The following MFGE8 variants were observed in gnomAD, a reference collection of about 807,000 sequenced individuals.
MFGE8 encodes the protein milk fat globule EGF and factor V/VIII domain containing.
In MFGE8, 34 loss-of-function variants were observed where a neutral mutation model predicts 42.6. The observed-to-expected ratio is 0.80, with a 90% CI of 0.61 to 1.06. MFGE8 has a LOEUF of 1.06. Ranked by LOEUF, MFGE8 falls within the 50% of genes least tolerant of loss-of-function variation. The pLI is 0.00. For missense variants in MFGE8, 510 were observed against 516.9 expected, an observed-to-expected ratio of 0.99 and a Z score of 0.13; for synonymous variants, 230 against 214.8, an observed-to-expected ratio of 1.07 and a Z score of -0.62.
chr15:88,908,297 A>G (rs974985864), intron 2 of MFGE8, among the ~76,000 whole-genome samples: 8 of 152,098 alleles, frequency 5.3e-5, no homozygotes, highest in African/African-American at 1.9e-4. Flanking sequence ...GTGTTAGCGC[A>G]CTCTGGCAGG....
At chr15:88,907,865 A>G (rs1898773823) in intron 2 of MFGE8, among the ~76,000 whole-genome samples, 1 of 152,160 alleles carries the variant, frequency 6.6e-6, no homozygotes, top group Non-Finnish European at 1.5e-5. Context: ...TCCTCAGCCC[A>G]GCCCCTGGCT....
Position 88,899,461 on chromosome 15 carries a change from A to T in MFGE8, c.1098T>A (p.Tyr366Ter). The change falls in exon 8 of 8, where the codon TAT becomes TAA. Residue 366 changes from tyrosine (Y) to a stop codon, truncating the protein, a stop_gained. Transcript: ENST00000268150. LOFTEE classifies it high-confidence loss of function. The surrounding 1 kb of genome is among the most constrained non-coding windows in gnomAD (Gnocchi z 6.8). Reference protein sequence around the residue: ...NLFETPILARYVRILPVAWHN... With the variant: ...NLFETPILAR ...GCCAGGCTACAGGCAGGATGCGCAC[A>T]TAGCGAGCCAGGATGGGCGTCTCAA... is the stretch of plus-strand genomic sequence containing the variant. 6.2e-7 allele frequency: 1 copy of T among 1,614,232 alleles called. No homozygotes were observed. The highest frequency in any genetic ancestry group is 8.5e-7 in the Non-Finnish European group (1 of 1,180,034).
At chr15:88,908,485 C>G (rs747759464) in intron 2 of MFGE8, among the ~76,000 whole-genome samples, 1 of 152,218 alleles carries the variant, frequency 6.6e-6, no homozygotes, top group Non-Finnish European at 1.5e-5. Flanking sequence ...TCCAAGGAAA[C>G]ATACCACGTA....
At chr15:88,907,442 G>T (rs1898745314) in intron 2 of MFGE8, 66 bp from the exon 3 acceptor site, 2 of 1,467,480 alleles carry the variant, frequency 1.4e-6, no homozygotes, top group East Asian at 2.3e-5. Flanking sequence ...CTGGGACCCA[G>T]CGGACAAGAA....
intron 1 of MFGE8, among the ~76,000 whole-genome samples, chr15:88,911,481 G>C (rs1231915250): frequency 1.3e-5 from 2 of 152,188 alleles, no homozygotes; most frequent in African/African-American, 4.8e-5. Flanking sequence ...CCAGCACTTT[G>C]GGAGGCCGAG....
At chr15:88,911,057 TA>T (rs1174864912) in intron 1 of MFGE8, 2 of 152,242 alleles carry the variant, frequency 1.3e-5, no homozygotes, top group African/African-American at 4.8e-5. Flanking sequence ...GAGCATCTGG[TA>T]GCTGCAGACA....
chr15:88,909,868 T>C lies in MFGE8; in HGVS notation c.129A>G (p.Gln43=), dbSNP rs138273024. Residue 43 remains glutamine, a synonymous_variant, in exon 2 of 8, where the codon CAA becomes CAG. Coordinates refer to ENST00000268150, the MANE Select transcript of MFGE8 (RefSeq NM_005928.4). The part of the protein sequence containing the change: ...HNGGLCEEIS[Q]EVRGDVFPSY... ...AGGGGAAGACATCTCCTCGCACTTC[T>C]TGGGAAATCTCCTCGCATAAACCAC... The C allele has an allele frequency of 6.8e-6, 11 of 1,614,100 alleles. No homozygotes were observed. In the African/African-American group the frequency reaches 9.3e-5, roughly 14 times the overall value.
Position 88,905,538 on chromosome 15 carries a change from A to G in MFGE8, c.685+219T>C, listed in dbSNP as rs1056549719. 1.4e-6 allele frequency: 1 copy of G among 705,492 alleles called. No individual in the cohort carries two copies. Among genetic ancestry groups the G allele is most frequent in the Non-Finnish European group, 2.6e-6 (1 of 390,034 alleles). The allele number at this position is 705,492 out of a possible 1,614,324, so 43.7% of individuals were successfully genotyped here. On this transcript the variant is annotated intron_variant, in intron 5 of 7. Transcript: ENST00000268150. This position sits in a 1 kb window ranked among gnomAD's most constrained non-coding sequence, Gnocchi z 6.6. ...AAAACTGATGTCTTTTTCTCTATCAATCAGAATGCCCTGGGTCATGGGTTG... is the reference window on the plus strand; with the variant it reads ...AAAACTGATGTCTTTTTCTCTATCAGTCAGAATGCCCTGGGTCATGGGTTG...
chr15:88,908,915 G>C (rs552223569), intron 2 of MFGE8, among the ~76,000 whole-genome samples: 7 of 152,078 alleles, frequency 4.6e-5, no homozygotes, highest in Non-Finnish European at 1.0e-4. Flanking sequence ...TCCTTCTGGA[G>C]GCCAGCAAAC....
In MFGE8 at chr15:88,901,707, A is replaced by G. The variant is rs1596191194; in HGVS notation, c.714T>C (p.Asn238=). Residue 238 remains asparagine (N), a synonymous_variant, in exon 6 of 8, where the codon AAT becomes AAC. Transcript: ENST00000268150. ...NGCANPLGLK[N]NSIPDKQITA... ...TGATCTGCTTGTCAGGGATGCTGTT[A>G]TTCTTCAGGCCCAGGGGATTGGCGC... The G allele has an allele frequency of 6.2e-7, 1 of 1,613,538 alleles. No homozygotes were observed. The highest frequency in any genetic ancestry group is 8.5e-7 in the Non-Finnish European group (1 of 1,179,962).
intron 1 of MFGE8, among the ~76,000 whole-genome samples, chr15:88,911,706 G>A (rs574577226): frequency 1.1e-4 from 17 of 150,778 alleles, no homozygotes; most frequent in African/African-American, 2.4e-4. Flanking sequence ...CAGCCTGGGC[G>A]ACACAGCAAG....
rs1596187343 is a variant in MFGE8 at position 88,900,104 on chromosome 15, T to C, written c.871-293A>G. On this transcript the variant is annotated intron_variant, in intron 6 of 7. Coordinates refer to ENST00000268150, the MANE Select transcript of MFGE8 (RefSeq NM_005928.4). ...AAAAATACAAAAAATTAGCTGGGCA[T>C]GATGGTGGCTGCCTGTAATCCCAGC... Among the ~76,000 whole-genome samples, 5 of 151,966 alleles carry C rather than the reference T, an allele frequency of 3.3e-5. No homozygotes were observed. The South Asian group carries it at 1.0e-3, about 31-fold the overall frequency.
At chr15:88,901,840 C>T in intron 5 of MFGE8, 105 bp from the exon 6 acceptor site, 1 of 1,121,482 alleles carries the variant, frequency 8.9e-7, no homozygotes, top group Non-Finnish European at 1.3e-6. Context: ...TGACCAGCCC[C>T]TGTCATGCTC....
In MFGE8 at chr15:88,899,124, T is replaced by C; in HGVS notation, c.*271A>G. The stretch of plus-strand genomic sequence containing the variant: ...CCACACGCCCTACTTTGCCCTTTCC[T>C]GTCCATCCCAGACCTACTCAGATCC... On this transcript the variant is annotated 3_prime_UTR_variant, in exon 8 of 8. Transcript: ENST00000268150. The surrounding 1 kb of genome is among the most constrained non-coding windows in gnomAD (Gnocchi z 6.8). 1 of 541,580 alleles carries C rather than the reference T, an allele frequency of 1.8e-6. No homozygotes were observed. The highest frequency in any genetic ancestry group is 3.3e-6 in the Non-Finnish European group (1 of 300,648). 33.5% of individuals were successfully genotyped at this position (541,580 alleles called of 1,614,324 possible). A position where few individuals can be genotyped will look rare whatever the true frequency, so the allele number is the denominator to read the frequency against.
At chr15:88,908,900 C>A (rs1172755913) in intron 2 of MFGE8, among the ~76,000 whole-genome samples, 6 of 152,172 alleles carry the variant, frequency 3.9e-5, no homozygotes, top group Non-Finnish European at 8.8e-5. Flanking sequence ...AAGCCCCCCG[C>A]CCCCTCCTTC....
chr15:88,905,224 G>A lies in MFGE8; in HGVS notation c.685+533C>T, dbSNP rs1898612871. Among the ~76,000 whole-genome samples the A allele has an allele frequency of 6.6e-6, 1 of 152,236 alleles. No homozygotes were observed. The highest frequency in any genetic ancestry group is 6.5e-5 in the Admixed American group (1 of 15,286). Reference sequence around the variant, plus strand: ...TTGGCAGGGAAAGCTCTGGATGGGTGTGGTCGGGAGCCCAGAGATCTAGAC... The same window carrying A: ...TTGGCAGGGAAAGCTCTGGATGGGTATGGTCGGGAGCCCAGAGATCTAGAC... On this transcript the variant is annotated intron_variant, in intron 5 of 7. Transcript: ENST00000268150. This position sits in a 1 kb window ranked among gnomAD's most constrained non-coding sequence, Gnocchi z 6.6.
Position 88,909,642 on chromosome 15 carries a change from C to A in MFGE8, c.205+150G>T. The A allele has an allele frequency of 2.7e-6, 3 of 1,131,012 alleles. No individual in the cohort carries two copies. The South Asian group carries it at 3.8e-5, about 14-fold the overall frequency. The allele number at this position is 1,131,012 out of a possible 1,614,324, so 70.1% of individuals were successfully genotyped here. On this transcript the variant is annotated intron_variant, in intron 2 of 7. Coordinates refer to ENST00000268150, the MANE Select transcript of MFGE8 (RefSeq NM_005928.4). ...TCGGTCTAACTGAGGCTCTGTCTCT[C>A]TCTCTGAGTCTCCCCAGAGGAGGCC... is the stretch of plus-strand genomic sequence containing the variant.
chr15:88,912,926 T>A, intron 1 of MFGE8: 13 of 985,336 alleles, frequency 1.3e-5, no homozygotes, highest in Non-Finnish European at 1.6e-5. Context: ...CGCAGTTCCC[T>A]GGCCTCATTT....
intron 1 of MFGE8, chr15:88,910,496 G>C (rs915306193): frequency 1.6e-5 from 3 of 185,164 alleles, no homozygotes; most frequent in African/African-American, 7.1e-5. Context: ...CCCCGAGACA[G>C]AGAAATCAGA....
Sources: gnomAD v4.1 joint callset for allele counts (sites outside exome capture counted in the v4.1 genomes callset) on GRCh38, gnomAD v4.1.1 for gene constraint, Gnocchi (gnomAD v3.1) non-coding constraint, MANE v1.5 for transcripts, NCBI Gene and HGNC (gene_info 2026-07-23, HGNC 2026-07-21) for gene names.